Variants in TLE4 observed in about 807,000 individuals in gnomAD.
TLE4 encodes the protein TLE family member 4, transcriptional corepressor, also known as transducin-like enhancer protein 4.
TLE4 carries 8 observed loss-of-function variants against 92.8 expected under a neutral mutation model. That is an observed-to-expected ratio of 0.09 (90% CI 0.05 to 0.16). TLE4 has a LOEUF of 0.16. Among genes scored for constraint, TLE4 ranks in the 10% least tolerant of loss-of-function variants. TLE4 has a pLI of 1.00. For synonymous variants in TLE4, 371 were observed against 374.1 expected (o/e 0.99, Z 0.10); for missense variants, 675 against 997.6 (o/e 0.68, Z 4.36).
intron 9 of TLE4, 51 bp downstream of exon 9, chr9:79,704,953 G>T: frequency 6.2e-7 from 1 of 1,608,390 alleles, no homozygotes. Flanking sequence ...CTTTTTATCT[G>T]CAGCCATTTT....
rs770688956 is a variant in TLE4, at chr9:79,718,854, C to T, written c.1473C>T (p.Cys491=). ...CCCTCAACCACGGGGAGGTGGTGTGCGCGGTGACCATCAGCAACCCCACGA... is the reference window on the plus strand; with the variant it reads ...CCCTCAACCACGGGGAGGTGGTGTGTGCGGTGACCATCAGCAACCCCACGA... The part of the protein sequence containing the change: ...INTLNHGEVV[C]AVTISNPTRH... Residue 491 remains cysteine, a synonymous_variant, in exon 15 of 20, where the codon TGC becomes TGT. Coordinates refer to ENST00000376552, the MANE Select transcript of TLE4 (RefSeq NM_007005.6). 1.4e-5 allele frequency: 22 copies of T among 1,613,996 alleles called. No homozygotes were observed. Among genetic ancestry groups the T allele is most frequent in the African/African-American group, 1.3e-4 (10 of 74,888 alleles).
At chr9:79,652,851 G>A in intron 7 of TLE4, 57 bp downstream of exon 7, 3 of 1,535,064 alleles carry the variant, frequency 2.0e-6, no homozygotes, top group East Asian at 2.2e-5. Flanking sequence ...CTGAGGGTAG[G>A]TTCTGGATGC....
chr9:79,647,406 A>T (rs1459031896), intron 6 of TLE4, among the ~76,000 whole-genome samples: 1 of 152,216 alleles, frequency 6.6e-6, no homozygotes, highest in African/African-American at 2.4e-5. Context: ...TAAAAATTAA[A>T]AGACCGACAA....
chr9:79,704,475 T>A (rs2070925538), intron 8 of TLE4, among the ~76,000 whole-genome samples: 1 of 152,228 alleles, frequency 6.6e-6, no homozygotes, highest in South Asian at 2.1e-4. Flanking sequence ...AAACCCATTC[T>A]GTTTTGAGTT....
intron 6 of TLE4, among the ~76,000 whole-genome samples, chr9:79,635,425 T>C (rs988101798): frequency 6.6e-6 from 1 of 152,088 alleles, no homozygotes; most frequent in Non-Finnish European, 1.5e-5. Flanking sequence ...TTTTTTCCTT[T>C]ATGGACTTTT....
At position 79,576,473 on chromosome 9, in the gene TLE4, A is replaced by G. The variant is rs1025518522; in HGVS notation, c.252+296A>G. The stretch of plus-strand genomic sequence containing the variant: ...AATCCTCTTGTTATTCTTCTGAAAG[A>G]GTTGCTTTATGTATTTTGGGCATTG... On this transcript the variant is annotated intron_variant, in intron 4 of 19. Coordinates refer to ENST00000376552, the MANE Select transcript of TLE4 (RefSeq NM_007005.6). The G allele has an allele frequency of 5.6e-5, 12 of 213,128 alleles. No individual in the cohort carries two copies. In the South Asian group the frequency reaches 1.1e-3, roughly 20 times the overall value. The allele number at this position is 213,128 out of a possible 1,614,324, so 13.2% of individuals were successfully genotyped here.
At chr9:79,682,717 C>T (rs988531714) in intron 8 of TLE4, among the ~76,000 whole-genome samples, 1 of 152,148 alleles carries the variant, frequency 6.6e-6, no homozygotes, top group Admixed American at 6.5e-5. Flanking sequence ...AGGACCTTTC[C>T]CCGGCATTTA....
At chr9:79,573,368 C>G in intron 1 of TLE4, 1 of 1,144,224 alleles carries the variant, frequency 8.7e-7, no homozygotes, top group Non-Finnish European at 1.1e-6. Flanking sequence ...GTTTCGATTC[C>G]GGGTGAGGAG....
rs539739266 is a variant in TLE4, at chr9:79,623,613, A to G, written c.316-3761A>G. Among the ~76,000 whole-genome samples the G allele has an allele frequency of 3.8e-4, 58 of 151,542 alleles. No homozygotes were observed. In the South Asian group the frequency reaches 4.2e-3, roughly 11 times the overall value. Reference sequence around the variant, plus strand: ...ATTTTTACTGAGGTATAATTTACACACCATAAAATTCCCTAGTTTTAAGTG... The same window carrying G: ...ATTTTTACTGAGGTATAATTTACACGCCATAAAATTCCCTAGTTTTAAGTG... On this transcript the variant is annotated intron_variant, in intron 5 of 19. Transcript: ENST00000376552.
chr9:79,664,835 C>G (rs1408307366), intron 8 of TLE4, among the ~76,000 whole-genome samples: 3 of 152,144 alleles, frequency 2.0e-5, no homozygotes, highest in Non-Finnish European at 4.4e-5. Flanking sequence ...TTTGCTCACC[C>G]TTGTCATTTT....
At position 79,654,051 on chromosome 9, in the gene TLE4, G is replaced by A; in HGVS notation, c.593-8G>A. ...TATCTGCTTGTGTTGCTGCTGTTTT[G>A]CATATAGACAGAGACTCCATCAAGG... On this transcript the variant is annotated splice_region_variant and splice_polypyrimidine_tract_variant and intron_variant, in intron 7 of 19. Transcript: ENST00000376552. 6 of 1,613,380 alleles carry A rather than the reference G, an allele frequency of 3.7e-6. No homozygotes were observed. The highest frequency in any genetic ancestry group is 2.2e-5 in the South Asian group (2 of 91,054).
chr9:79,714,014 C>T (rs537550065), intron 14 of TLE4, among the ~76,000 whole-genome samples: 1 of 152,164 alleles, frequency 6.6e-6, no homozygotes, highest in East Asian at 1.9e-4. Flanking sequence ...CAGGCACATG[C>T]GCCACCACAC....
intron 6 of TLE4, among the ~76,000 whole-genome samples, chr9:79,646,725 A>G (rs1032832864): frequency 1.3e-5 from 2 of 152,182 alleles, no homozygotes; most frequent in African/African-American, 2.4e-5. Flanking sequence ...TAATGTATAC[A>G]TTTTAAAGCC....
chr9:79,582,279 C>G (rs2039875762), intron 4 of TLE4, among the ~76,000 whole-genome samples: 1 of 152,180 alleles, frequency 6.6e-6, no homozygotes, highest in South Asian at 2.1e-4. Flanking sequence ...AGCATTCAAA[C>G]AAAAGGATAG....
chr9:79,589,623 G>A (rs1376178621), intron 4 of TLE4, among the ~76,000 whole-genome samples: 5 of 152,098 alleles, frequency 3.3e-5, no homozygotes, highest in Admixed American at 2.0e-4. Context: ...GTCCCCCATC[G>A]AAGTCACTAG....
intron 8 of TLE4, among the ~76,000 whole-genome samples, chr9:79,704,024 C>T (rs2070757254): frequency 6.6e-6 from 1 of 152,072 alleles, no homozygotes; most frequent in Non-Finnish European, 1.5e-5. Flanking sequence ...TCCCATTAGC[C>T]AGCAAACTTT....
At chr9:79,642,892 C>T (rs1265101033) in intron 6 of TLE4, among the ~76,000 whole-genome samples, 1 of 152,316 alleles carries the variant, frequency 6.6e-6, no homozygotes, top group Non-Finnish European at 1.5e-5. Flanking sequence ...GCTTGAGAAG[C>T]TTATCCTTTC....
At chr9:79,693,601 G>T in intron 8 of TLE4, 1 of 501,540 alleles carries the variant, frequency 2.0e-6, no homozygotes. Context: ...GGACATGCAT[G>T]CACACATGCC....
chr9:79,692,241 A>G (rs888144982), intron 8 of TLE4, among the ~76,000 whole-genome samples: 4 of 152,192 alleles, frequency 2.6e-5, no homozygotes, highest in Non-Finnish European at 5.9e-5. Context: ...TTGGAGGAAG[A>G]GCGCGACTTC....
Sources: gnomAD v4.1 joint callset for allele counts (sites outside exome capture counted in the v4.1 genomes callset) on GRCh38, gnomAD v4.1.1 for gene constraint, MANE v1.5 for transcripts, NCBI Gene and HGNC (gene_info 2026-07-23, HGNC 2026-07-21) for gene names.